The following CARMIL1 variants were observed in gnomAD, a reference collection of about 807,000 sequenced individuals.
CARMIL1 encodes the protein F-actin-uncapping protein LRRC16A.
Under a neutral mutation model 177.1 loss-of-function variants are expected in CARMIL1, and 90 were observed. The ratio of observed to expected loss-of-function variants is 0.51; its 90% CI spans 0.43 to 0.61. The LOEUF (loss-of-function observed/expected upper bound fraction) is 0.61, where lower values mean the gene tolerates loss of function less well. CARMIL1 is among the 20% of genes least tolerant of loss of function. The pLI is 0.00. For missense variants in CARMIL1, 1,380 were observed against 1,667.0 expected (o/e 0.83, Z 3.00); for synonymous variants, 577 against 606.2 (o/e 0.95, Z 0.71).
chr6:25,585,150 A>C (rs1159172599), intron 31 of CARMIL1, among the ~76,000 whole-genome samples: 1 of 152,230 alleles, frequency 6.6e-6, no homozygotes, highest in Admixed American at 6.5e-5. Context: ...CGCTGCTTAC[A>C]GTTTCCAAAG....
intron 26 of CARMIL1, among the ~76,000 whole-genome samples, chr6:25,544,638 CACACA>C (rs779168091): frequency 1.3e-5 from 2 of 151,128 alleles, no homozygotes; most frequent in Admixed American, 6.6e-5. Context: ...CACACACACA[CACACA>C]CACCCCAAAC....
chr6:25,457,603 C>T (rs1482581651), intron 8 of CARMIL1, among the ~76,000 whole-genome samples: 1 of 152,130 alleles, frequency 6.6e-6, no homozygotes, highest in African/African-American at 2.4e-5. Flanking sequence ...TCAATTATTC[C>T]CAGAAAGGCT....
intron 2 of CARMIL1, among the ~76,000 whole-genome samples, chr6:25,397,946 T>C (rs9467491): frequency 0.42 from 63,671 of 151,976 alleles, 13,535 homozygotes; most frequent in Middle Eastern, 0.58. Context: ...TGTGTGCATG[T>C]GCATGCAGTG....
chr6:25,492,087 T>A (rs1803295972), intron 15 of CARMIL1, 63 bp downstream of exon 15: 2 of 1,413,958 alleles, frequency 1.4e-6, no homozygotes, highest in South Asian at 2.4e-5. Flanking sequence ...AAAGTTGTAG[T>A]GATAAGGAAA....
intron 33 of CARMIL1, 116 bp from the exon 34 acceptor site, chr6:25,604,696 A>G: frequency 1.3e-6 from 1 of 767,770 alleles, no homozygotes; most frequent in Non-Finnish European, 2.2e-6. Context: ...CAGTCACCAT[A>G]ACAGCAGCTG....
chr6:25,615,605 C>G (rs1268804906), intron 36 of CARMIL1, among the ~76,000 whole-genome samples: 3 of 152,194 alleles, frequency 2.0e-5, no homozygotes, highest in African/African-American at 7.2e-5. Context: ...ATCCAAGCTA[C>G]AGCCAATAAA....
chr6:25,455,158 G>T (rs539967637), intron 8 of CARMIL1, among the ~76,000 whole-genome samples: 1 of 152,206 alleles, frequency 6.6e-6, no homozygotes, highest in African/African-American at 2.4e-5. Flanking sequence ...AACCTTGTTT[G>T]CCATTTATAT....
At chr6:25,527,643 T>C (rs773153380) in intron 23 of CARMIL1, 6 of 440,798 alleles carry the variant, frequency 1.4e-5, no homozygotes, top group South Asian at 1.0e-4. Context: ...TAATATACTG[T>C]CAAGGCATTA....
At chr6:25,451,147 A>G (rs1798874322) in intron 8 of CARMIL1, among the ~76,000 whole-genome samples, 1 of 151,562 alleles carries the variant, frequency 6.6e-6, no homozygotes, top group African/African-American at 2.4e-5. Flanking sequence ...TATAGTTTCA[A>G]ATATGTTTAT....
intron 4 of CARMIL1, among the ~76,000 whole-genome samples, chr6:25,429,815 A>G (rs55937051): frequency 0.16 from 24,363 of 150,906 alleles, 2,218 homozygotes; most frequent in East Asian, 0.22. Flanking sequence ...GATTCCTGGG[A>G]TAAGTCTCAT....
intron 2 of CARMIL1, among the ~76,000 whole-genome samples, chr6:25,415,353 C>T (rs1448831937): frequency 2.0e-5 from 3 of 151,884 alleles, no homozygotes; most frequent in African/African-American, 7.2e-5. Flanking sequence ...ATATTCTGAC[C>T]CTAGTTCATA....
Position 25,435,525 on chromosome 6 carries a change from G to T in CARMIL1, c.292G>T (p.Ala98Ser). 2.6e-6 allele frequency: 4 copies of T among 1,553,234 alleles called. No individual in the cohort carries two copies. Among genetic ancestry groups the T allele is most frequent in the Non-Finnish European group, 1.7e-6 (2 of 1,147,690 alleles). Residue 98 changes from alanine (A) to serine (S), a missense_variant, in exon 5 of 37, where the codon GCG becomes TCG. Coordinates refer to ENST00000329474, the MANE Select transcript of CARMIL1 (RefSeq NM_017640.6). The stretch of plus-strand genomic sequence containing the variant: ...GAAGTGCAGCATTTCCATGAAGATG[G>T]CGTCACCCGAGGACGTGAGTGAGGT... The part of the protein sequence containing the change: ...TEKCSISMKM[A>S]SPEDVSEVLA...
In CARMIL1 at chr6:25,450,406, A is replaced by G. The variant is rs1405218344; in HGVS notation, c.537A>G (p.Gln179=). Residue 179 remains glutamine, a synonymous_variant, in exon 7 of 37, where the codon CAA becomes CAG. Coordinates refer to ENST00000329474, the MANE Select transcript of CARMIL1 (RefSeq NM_017640.6). ...WLGFSYREEV[Q]WDVDTIYLTQ... is the part of the protein sequence containing the mutation. The stretch of plus-strand genomic sequence containing the variant: ...GATTTTCATACAGGGAAGAAGTACA[A>G]TGGGTAAGAATGTCTGTGTACATGT... 3.7e-6 allele frequency: 6 copies of G among 1,610,176 alleles called. No homozygotes were observed. The highest frequency in any genetic ancestry group is 2.2e-5 in the South Asian group (2 of 90,950).
chr6:25,395,744 T>C (rs9467483), intron 2 of CARMIL1, among the ~76,000 whole-genome samples: 64,864 of 152,068 alleles, frequency 0.43, 14,046 homozygotes, highest in Middle Eastern at 0.58. Flanking sequence ...CAAAAGTTGC[T>C]GTTATAAATG....
At chr6:25,497,732 T>G (rs975800603) in intron 16 of CARMIL1, among the ~76,000 whole-genome samples, 6 of 152,216 alleles carry the variant, frequency 3.9e-5, no homozygotes, top group African/African-American at 9.7e-5. Flanking sequence ...ACACAATTTC[T>G]TTTGAGACAG....
chr6:25,555,382 T>TATTCATTCATTCATTCATTCATTC (rs61571019), intron 28 of CARMIL1, among the ~76,000 whole-genome samples: 1 of 150,266 alleles, frequency 6.7e-6, no homozygotes, highest in Non-Finnish European at 1.5e-5. Flanking sequence ...AGCAATAGAG[T>TATTCATTCATTCATTCATTCATTC]ATTCATTCAT....
In CARMIL1 at chr6:25,279,548, C is replaced by G. The variant is rs1780900040; in HGVS notation, c.-248C>G. 3 of 570,504 alleles carry G rather than the reference C, an allele frequency of 5.3e-6. No homozygotes were observed. Among genetic ancestry groups the G allele is most frequent in the Non-Finnish European group, 9.4e-6 (3 of 318,652 alleles). The allele number at this position is 570,504 out of a possible 1,614,324, so 35.3% of individuals were successfully genotyped here. A position where few individuals can be genotyped will look rare whatever the true frequency, so the allele number is the denominator to read the frequency against. ...TAATCCGGTCCGCTCCTTATTCAGC[C>G]GCCGGGAACTGCGAGGAGGCGTCAT... On this transcript the variant is annotated 5_prime_UTR_variant, in exon 1 of 37. Coordinates refer to ENST00000329474, the MANE Select transcript of CARMIL1 (RefSeq NM_017640.6).
rs759068082 is a variant in CARMIL1, at chr6:25,471,286, G to A, written c.779+29G>A. The A allele has an allele frequency of 4.0e-6, 6 of 1,511,644 alleles. No individual in the cohort carries two copies. In the African/African-American group the frequency reaches 4.2e-5, roughly 11 times the overall value. 93.6% of individuals were successfully genotyped at this position (1,511,644 alleles called of 1,614,324 possible). A position where few individuals can be genotyped will look rare whatever the true frequency, so the allele number is the denominator to read the frequency against. Reference sequence around the variant, plus strand: ...AGTATTTTCCTGAATATATAAATATGTTGCTTTAAAACTCTGTGCCATTTG... The same window carrying A: ...AGTATTTTCCTGAATATATAAATATATTGCTTTAAAACTCTGTGCCATTTG... On this transcript the variant is annotated intron_variant, in intron 10 of 36. Transcript: ENST00000329474.
intron 5 of CARMIL1, among the ~76,000 whole-genome samples, chr6:25,438,262 T>C (rs1297176638): frequency 6.6e-6 from 1 of 152,236 alleles, no homozygotes; most frequent in Non-Finnish European, 1.5e-5. Flanking sequence ...TTCATACACT[T>C]ATATATTCCA....
Sources: gnomAD v4.1 joint callset for allele counts (sites outside exome capture counted in the v4.1 genomes callset) on GRCh38, gnomAD v4.1.1 for gene constraint, MANE v1.5 for transcripts, NCBI Gene and HGNC (gene_info 2026-07-23, HGNC 2026-07-21) for gene names.